The following AGBL1 variants were observed in gnomAD, a reference collection of about 807,000 sequenced individuals.
AGBL1 encodes the protein AGBL carboxypeptidase 1, also known as cytosolic carboxypeptidase 4.
AGBL1 carries 130 observed loss-of-function variants against 118.9 expected under a neutral mutation model. The ratio of observed to expected loss-of-function variants is 1.09; its 90% CI spans 0.95 to 1.26. AGBL1 has a LOEUF of 1.26. Ranked by LOEUF, AGBL1 falls within the 50% of genes most tolerant of loss-of-function variation. The pLI is 0.00. For missense variants in AGBL1, 1,584 were observed against 1,298.1 expected, an observed-to-expected ratio of 1.22 and a Z score of -3.38; for synonymous variants, 555 against 478.9, an observed-to-expected ratio of 1.16 and a Z score of -2.08.
chr15:86,899,356 A>AG (rs1483352852), intron 22 of AGBL1, among the ~76,000 whole-genome samples: 1 of 152,154 alleles, frequency 6.6e-6, no homozygotes, highest in Non-Finnish European at 1.5e-5. Flanking sequence ...AAACCCAAAA[A>AG]GGAAACAACA....
intron 24 of AGBL1, among the ~76,000 whole-genome samples, chr15:86,992,884 T>C (rs117007351): frequency 6.6e-6 from 1 of 152,130 alleles, no homozygotes; most frequent in African/African-American, 2.4e-5. Flanking sequence ...AGTCATAGTT[T>C]CCTTACGGGT....
At chr15:86,323,063 A>G (rs1413408937) in intron 17 of AGBL1, among the ~76,000 whole-genome samples, 1 of 151,772 alleles carries the variant, frequency 6.6e-6, no homozygotes, top group African/African-American at 2.4e-5. Flanking sequence ...GGAAACTCTC[A>G]GGTTCAAAGA....
chr15:86,544,463 C>T (rs1292971939), intron 19 of AGBL1, among the ~76,000 whole-genome samples: 4 of 152,140 alleles, frequency 2.6e-5, no homozygotes, highest in East Asian at 1.9e-4. Context: ...TAAAGACATA[C>T]GTGAGACTAG....
chr15:86,742,561 C>T (rs2077695487), intron 22 of AGBL1, among the ~76,000 whole-genome samples: 1 of 152,134 alleles, frequency 6.6e-6, no homozygotes, highest in South Asian at 2.1e-4. Context: ...CCCTCATCTT[C>T]TGTTTGTCCC....
chr15:86,333,347 G>A (rs1267634287), intron 17 of AGBL1, among the ~76,000 whole-genome samples: 1 of 152,094 alleles, frequency 6.6e-6, no homozygotes, highest in African/African-American at 2.4e-5. Context: ...ACTAACAAAG[G>A]TGACATCACA....
chr15:86,520,650 A>G (rs1366612703), intron 18 of AGBL1, among the ~76,000 whole-genome samples: 1 of 152,130 alleles, frequency 6.6e-6, no homozygotes, highest in East Asian at 1.9e-4. Flanking sequence ...GTATGCTTGC[A>G]TTTTCATTTA....
At chr15:86,845,024 T>G (rs2079299521) in intron 22 of AGBL1, among the ~76,000 whole-genome samples, 2 of 152,158 alleles carry the variant, frequency 1.3e-5, no homozygotes, top group Admixed American at 6.5e-5. Context: ...TATTCTAATC[T>G]TTGATTGGTC....
intron 17 of AGBL1, among the ~76,000 whole-genome samples, chr15:86,344,272 G>C (rs2080503813): frequency 6.6e-6 from 1 of 152,208 alleles, no homozygotes; most frequent in African/African-American, 2.4e-5. Context: ...AGTGTGATGA[G>C]ACAATGAATG....
At chr15:86,498,985 T>C (rs1288010360) in intron 18 of AGBL1, among the ~76,000 whole-genome samples, 1 of 151,832 alleles carries the variant, frequency 6.6e-6, no homozygotes. Context: ...GCAACATGTA[T>C]CTATCTACAG....
rs770556494 is a variant in AGBL1 at position 86,870,454 on chromosome 15, C to CAAAAAAA, written c.3159-36597_3159-36591dup. 1.5e-3 allele frequency among the ~76,000 whole-genome samples: 99 copies of CAAAAAAA among 64,060 alleles called. 8 individuals carry two copies. The highest frequency in any genetic ancestry group is 2.1e-3 in the Non-Finnish European group (76 of 36,152). 42.0% of individuals were successfully genotyped at this position (64,060 alleles called of 152,430 possible). A position where few individuals can be genotyped will look rare whatever the true frequency, so the allele number is the denominator to read the frequency against. On this transcript the variant is annotated intron_variant, in intron 22 of 22. Transcript: ENST00000614907. ...GGCAAGAAAAAAGTAAAGCATACTG[C>CAAAAAAA]AAAAAAAAAAAAAAAAAAAAAAAAA...
chr15:86,866,737 C>A (rs1050438047), intron 22 of AGBL1, among the ~76,000 whole-genome samples: 2 of 152,124 alleles, frequency 1.3e-5, no homozygotes, highest in African/African-American at 4.8e-5. Context: ...GCCTGTAGTC[C>A]CAGCTACTCA....
At chr15:86,956,292 T>C (rs2080931021) in intron 23 of AGBL1, among the ~76,000 whole-genome samples, 1 of 151,644 alleles carries the variant, frequency 6.6e-6, no homozygotes. Flanking sequence ...ATGGATGATA[T>C]AGATAGATAT....
chr15:86,436,129 TC>T, intron 18 of AGBL1, among the ~76,000 whole-genome samples: 1 of 134,242 alleles, frequency 7.4e-6, no homozygotes, highest in Non-Finnish European at 1.5e-5. Flanking sequence ...CTTAGTGAAA[TC>T]CTCAATTCTA....
At chr15:86,943,548 C>A (rs2080780180) in intron 23 of AGBL1, among the ~76,000 whole-genome samples, 1 of 152,142 alleles carries the variant, frequency 6.6e-6, no homozygotes, top group South Asian at 2.1e-4. Flanking sequence ...ACCAGGTGCG[C>A]CATTCACACA....
In AGBL1 at chr15:86,581,783, T is replaced by C. The variant is rs985043389; in HGVS notation, c.2994+27246T>C. On this transcript the variant is annotated intron_variant, in intron 21 of 22. Coordinates refer to ENST00000614907, the MANE Select transcript of AGBL1 (RefSeq NM_001386094.1). ...AACATAGGTACAAAAATGAGACCAT[T>C]TGTAGTCTCGGTCAGGAAATATAAA... Among the ~76,000 whole-genome samples the C allele has an allele frequency of 3.9e-5, 6 of 152,076 alleles. No homozygotes were observed. In the East Asian group the frequency reaches 9.7e-4, roughly 25 times the overall value.
intron 22 of AGBL1, among the ~76,000 whole-genome samples, chr15:86,715,142 T>G (rs995201349): frequency 2.6e-5 from 4 of 152,164 alleles, no homozygotes; most frequent in African/African-American, 4.8e-5. Context: ...CTTCACTGAT[T>G]TAAGCCTGCA....
intron 24 of AGBL1, among the ~76,000 whole-genome samples, chr15:87,014,981 G>A (rs1212208429): frequency 3.9e-5 from 6 of 152,138 alleles, no homozygotes; most frequent in Admixed American, 6.6e-5. Context: ...GGTGGACTGA[G>A]TGGTGAAGAT....
In AGBL1 at chr15:86,257,033, T is replaced by A; in HGVS notation, c.901+15T>A. 1.9e-6 allele frequency: 3 copies of A among 1,611,520 alleles called. No homozygotes were observed. Among genetic ancestry groups the A allele is most frequent in the Non-Finnish European group, 2.5e-6 (3 of 1,178,638 alleles). On this transcript the variant is annotated intron_variant, in intron 8 of 22. Transcript: ENST00000614907. Reference sequence around the variant, plus strand: ...TCTACCTGAAGGTAAAATAAGTTGGTAACTATGACCTTTAAGATGAGTTTT... The same window carrying A: ...TCTACCTGAAGGTAAAATAAGTTGGAAACTATGACCTTTAAGATGAGTTTT...
At chr15:86,092,995 TAGC>T (rs1896133835) in intron 1 of AGBL1, among the ~76,000 whole-genome samples, 2 of 152,156 alleles carry the variant, frequency 1.3e-5, no homozygotes, top group Admixed American at 1.3e-4. Flanking sequence ...ATTCAAATAA[TAGC>T]AGCTTCGGAA....
Sources: gnomAD v4.1 joint callset for allele counts (sites outside exome capture counted in the v4.1 genomes callset) on GRCh38, gnomAD v4.1.1 for gene constraint, MANE v1.5 for transcripts, NCBI Gene and HGNC (gene_info 2026-07-23, HGNC 2026-07-21) for gene names.